OR4C6: variants seen among roughly 807,000 people sequenced by gnomAD.
OR4C6 encodes the protein olfactory receptor 4C6.
A neutral mutation model predicts 13.9 loss-of-function variants in OR4C6; 20 were observed. The ratio of observed to expected loss-of-function variants is 1.43; its 90% CI spans 1.01 to 2.08. The LOEUF (loss-of-function observed/expected upper bound fraction) is 2.08, where lower values mean the gene tolerates loss of function less well. OR4C6 is among the 30% of genes most tolerant of loss of function. The pLI, the probability that OR4C6 is intolerant of heterozygous loss-of-function variation, is 0.00. For missense variants in OR4C6, 555 were observed against 381.2 expected (o/e 1.46, Z -3.80); for synonymous variants, 193 against 141.5 (o/e 1.36, Z -2.58).
Position 55,665,829 on chromosome 11 carries a change from C to A in OR4C6, c.663C>A (p.Cys221Ter), listed in dbSNP as rs773479464. ...TTGCGTCCTACACGGTCATCCTATG[C>A]TCCCTGAAGTCTTACAGCTCTAAAG... ...ILIASYTVIL[C>*]SLKSYSSKGR... is the part of the protein sequence containing the mutation. The change falls in exon 2 of 2, where the codon TGC (cysteine) becomes TGA (stop). Residue 221 changes from cysteine (C) to a stop codon, truncating the protein, a stop_gained. Transcript: ENST00000314259. LOFTEE classifies it high-confidence loss of function. 2 of 1,613,928 alleles carry A rather than the reference C, an allele frequency of 1.2e-6. No homozygotes were observed. The highest frequency in any genetic ancestry group is 1.1e-5 in the South Asian group (1 of 91,070).
chr11:55,666,021 T>G lies in OR4C6; in HGVS notation c.855T>G (p.Tyr285Ter). The change falls in exon 2 of 2, where the codon TAT becomes TAG. Residue 285 changes from tyrosine to a stop codon, truncating the protein, a stop_gained. Transcript: ENST00000314259. LOFTEE classifies it high-confidence loss of function. ...IITPMLNPLI[Y>*]TLRNAEVKSA... The stretch of plus-strand genomic sequence containing the variant: ...CACCCATGTTAAATCCCTTGATCTA[T>G]ACACTGAGGAATGCAGAGGTGAAAA... 6.2e-7 allele frequency: 1 copy of G among 1,613,784 alleles called. No homozygotes were observed. The highest frequency in any genetic ancestry group is 8.5e-7 in the Non-Finnish European group (1 of 1,179,860).
At chr11:55,665,084 C>T in intron 1 of OR4C6, 41 bp from the exon 2 acceptor site, 1 of 876,574 alleles carries the variant, frequency 1.1e-6, no homozygotes, top group South Asian at 1.7e-5. Context: ...TACAAGAAGC[C>T]AAATTAGTCA....
rs1858734744 is a variant in OR4C6, at chr11:55,665,638, C to T, written c.472C>T (p.Leu158Phe). 1 of 1,613,040 alleles carries T rather than the reference C, an allele frequency of 6.2e-7. No individual in the cohort carries two copies. The highest frequency in any genetic ancestry group is 1.7e-5 in the Admixed American group (1 of 59,964). The change falls in exon 2 of 2, where the codon CTT (leucine) becomes TTT (phenylalanine). Residue 158 changes from leucine (L) to phenylalanine (F), a missense_variant. Transcript: ENST00000314259. ...GGGATTTATGCACGCAATGATACAA[C>T]TTCTCTTCATGTATCAAATACCCTT... ...VGGFMHAMIQ[L>F]LFMYQIPFCG...
chr11:55,665,299 G>C lies in OR4C6; in HGVS notation c.133G>C (p.Val45Leu), dbSNP rs1199828446. ...AGTGCTGGAAAATCTACTTATTGTG[G>C]TAACTATTATCACAAGTCAGAGTCT... ...ATVLENLLIV[V>L]TIITSQSLRS... The change falls in exon 2 of 2, where the codon GTA becomes CTA. Residue 45 changes from valine to leucine, a missense_variant. By Grantham distance (32) the Val-to-Leu change is conservative. Coordinates refer to ENST00000314259, the MANE Select transcript of OR4C6 (RefSeq NM_001004704.2). 6 of 1,611,656 alleles carry C rather than the reference G, an allele frequency of 3.7e-6. No individual in the cohort carries two copies. In the South Asian group the frequency reaches 6.6e-5, roughly 18 times the overall value.
Position 55,665,110 on chromosome 11 carries a change from A to G in OR4C6, c.-42-15A>G. On this transcript the variant is annotated splice_polypyrimidine_tract_variant and intron_variant, in intron 1 of 1. Transcript: ENST00000314259. ...AAATTAGTCACTAATTATAAATCAT[A>G]TCTTGCTTATTTAGGATTCTCAACT... 1.9e-6 allele frequency: 2 copies of G among 1,071,414 alleles called. No homozygotes were observed. The highest frequency in any genetic ancestry group is 4.7e-5 in the East Asian group (2 of 42,328). 66.4% of individuals were successfully genotyped at this position (1,071,414 alleles called of 1,614,324 possible). A position where few individuals can be genotyped will look rare whatever the true frequency, so the allele number is the denominator to read the frequency against.
rs1207712300 is a variant in OR4C6 at position 55,665,379 on chromosome 11, C to G, written c.213C>G (p.Phe71Leu). Residue 71 changes from phenylalanine to leucine, a missense_variant, in exon 2 of 2, where the codon TTC (phenylalanine) becomes TTG (leucine). Phe to Leu is a conservative substitution (Grantham distance 22). Coordinates refer to ENST00000314259, the MANE Select transcript of OR4C6 (RefSeq NM_001004704.2). ...LTFLSLLDVMFSSVVAPKVIV... is the reference protein window; with the variant it reads ...LTFLSLLDVMLSSVVAPKVIV... ...TCTTGTCCCTTTTGGATGTCATGTT[C>G]TCATCTGTCGTTGCCCCCAAGGTGA... The G allele has an allele frequency of 5.6e-6, 9 of 1,613,302 alleles. No individual in the cohort carries two copies. The East Asian group carries it at 8.9e-5, about 16-fold the overall frequency.
In OR4C6 at chr11:55,665,504, T is replaced by C. The variant is rs1377022811; in HGVS notation, c.338T>C (p.Leu113Pro). 1.2e-6 allele frequency: 2 copies of C among 1,613,706 alleles called. No homozygotes were observed. Among genetic ancestry groups the C allele is most frequent in the Admixed American group, 1.7e-5 (1 of 59,958 alleles). ...HFFGGVGIIL[L>P]TVMAYDRYVA... is the part of the protein sequence containing the mutation. ...TTTGGTGGTGTGGGGATCATCCTCCTCACTGTGATGGCCTATGACCGCTAC... is the reference window on the plus strand; with the variant it reads ...TTTGGTGGTGTGGGGATCATCCTCCCCACTGTGATGGCCTATGACCGCTAC... The change falls in exon 2 of 2, where the codon CTC (leucine) becomes CCC (proline). Residue 113 changes from leucine (L) to proline (P), a missense_variant. Leu to Pro is a moderately conservative substitution (Grantham distance 98). Transcript: ENST00000314259.
Position 55,665,854 on chromosome 11 carries a change from G to C in OR4C6, c.688G>C (p.Gly230Arg). The C allele has an allele frequency of 6.2e-7, 1 of 1,613,828 alleles. No homozygotes were observed. The highest frequency in any genetic ancestry group is 8.5e-7 in the Non-Finnish European group (1 of 1,179,988). The change falls in exon 2 of 2, where the codon GGG becomes CGG. Residue 230 changes from glycine to arginine, a missense_variant. Gly to Arg is a moderately radical substitution (Grantham distance 125, BLOSUM62 -2). Coordinates refer to ENST00000314259, the MANE Select transcript of OR4C6 (RefSeq NM_001004704.2). ...CTCCCTGAAGTCTTACAGCTCTAAA[G>C]GGCGGCACAAAGCCCTCTCTACCTG... Reference protein sequence around the residue: ...LCSLKSYSSKGRHKALSTCSS... With the variant: ...LCSLKSYSSKRRHKALSTCSS...
In OR4C6 at chr11:55,665,493, G is replaced by T. The variant is rs769767539; in HGVS notation, c.327G>T (p.Gly109=). Residue 109 remains glycine (G), a synonymous_variant, in exon 2 of 2, where the codon GGG becomes GGT. Transcript: ENST00000314259. ...LFVEHFFGGV[G]IILLTVMAYD... ...TGGAGCATTTCTTTGGTGGTGTGGGGATCATCCTCCTCACTGTGATGGCCT... is the reference window on the plus strand; with the variant it reads ...TGGAGCATTTCTTTGGTGGTGTGGGTATCATCCTCCTCACTGTGATGGCCT... The T allele has an allele frequency of 1.2e-6, 2 of 1,613,858 alleles. No individual in the cohort carries two copies. The highest frequency in any genetic ancestry group is 1.1e-5 in the South Asian group (1 of 91,076).
At position 55,665,857 on chromosome 11, in the gene OR4C6, C is replaced by T. The variant is rs140747151; in HGVS notation, c.691C>T (p.Arg231Trp). The part of the protein sequence containing the change: ...CSLKSYSSKG[R>W]HKALSTCSSH... ...CCTGAAGTCTTACAGCTCTAAAGGG[C>T]GGCACAAAGCCCTCTCTACCTGCAG... is the stretch of plus-strand genomic sequence containing the variant. Residue 231 changes from arginine to tryptophan, a missense_variant, in exon 2 of 2, where the codon CGG (arginine) becomes TGG (tryptophan). By Grantham distance (101) the Arg-to-Trp change is moderately radical. Coordinates refer to ENST00000314259, the MANE Select transcript of OR4C6 (RefSeq NM_001004704.2). 3.7e-4 allele frequency: 592 copies of T among 1,613,790 alleles called. 1 individual carries two copies. Among genetic ancestry groups the T allele is most frequent in the Non-Finnish European group, 4.1e-4 (489 of 1,179,938 alleles).
In OR4C6 at chr11:55,662,212, C is replaced by T. The variant is rs761974645; in HGVS notation, c.-79C>T. On this transcript the variant is annotated 5_prime_UTR_variant, in exon 1 of 2. Transcript: ENST00000314259. ...GTGCAAGAACATGCCATGAAGGTGG[C>T]TGATGGTGTGATTCAAGATTGAACT... 2.9e-5 allele frequency: 4 copies of T among 138,508 alleles called. 1 individual carries two copies. The highest frequency in any genetic ancestry group is 6.4e-5 in the Non-Finnish European group (4 of 62,410). 8.6% of individuals were successfully genotyped at this position (138,508 alleles called of 1,614,324 possible).
Position 55,665,915 on chromosome 11 carries a change from T to C in OR4C6, c.749T>C (p.Val250Ala), listed in dbSNP as rs751943245. Reference sequence around the variant, plus strand: ...CTCACGGTGGTTGTATTGTTCTTTGTCCCCTGTATTTTCTTGTACATGAGG... The same window carrying C: ...CTCACGGTGGTTGTATTGTTCTTTGCCCCCTGTATTTTCTTGTACATGAGG... ...SHLTVVVLFF[V>A]PCIFLYMRPV... The change falls in exon 2 of 2, where the codon GTC (valine) becomes GCC (alanine). Residue 250 changes from valine (V) to alanine (A), a missense_variant. Transcript: ENST00000314259. 5.6e-6 allele frequency: 9 copies of C among 1,613,800 alleles called. No individual in the cohort carries two copies. The highest frequency in any genetic ancestry group is 3.3e-5 in the Admixed American group (2 of 59,978).
At position 55,665,805 on chromosome 11, in the gene OR4C6, T is replaced by A. The variant is rs1402417092; in HGVS notation, c.639T>A (p.Ile213=). 2 of 1,613,964 alleles carry A rather than the reference T, an allele frequency of 1.2e-6. No individual in the cohort carries two copies. The highest frequency in any genetic ancestry group is 4.5e-5 in the East Asian group (2 of 44,862). ...MMCVAIFLIL[I]ASYTVILCSL... is the part of the protein sequence containing the mutation. The stretch of plus-strand genomic sequence containing the variant: ...GTGTGGCCATCTTTCTTATCTTAAT[T>A]GCGTCCTACACGGTCATCCTATGCT... Residue 213 remains isoleucine (I), a synonymous_variant, in exon 2 of 2, where the codon ATT becomes ATA. Coordinates refer to ENST00000314259, the MANE Select transcript of OR4C6 (RefSeq NM_001004704.2).
rs1384454584 is a variant in OR4C6, at chr11:55,663,335, C to T, written c.-43+1087C>T. On this transcript the variant is annotated intron_variant, in intron 1 of 1. Transcript: ENST00000314259. Reference sequence around the variant, plus strand: ...GAATGTCAGTTGGAAAAGTTCAATTCTGTTCCGTATCAACACAGGGTCATA... The same window carrying T: ...GAATGTCAGTTGGAAAAGTTCAATTTTGTTCCGTATCAACACAGGGTCATA... Among the ~76,000 whole-genome samples the T allele has an allele frequency of 3.6e-5, 5 of 137,946 alleles. 1 individual carries two copies. The highest frequency in any genetic ancestry group is 1.3e-4 in the African/African-American group (5 of 39,578). The allele number at this position is 137,946 out of a possible 152,430, so 90.5% of individuals were successfully genotyped here.
At chr11:55,663,989 G>C (rs1189379627) in intron 1 of OR4C6, among the ~76,000 whole-genome samples, 1 of 122,582 alleles carries the variant, frequency 8.2e-6, no homozygotes, top group Non-Finnish European at 1.8e-5. Flanking sequence ...CTTGGTTGCA[G>C]TAGTAACTTC....
chr11:55,665,498 T>C lies in OR4C6; in HGVS notation c.332T>C (p.Ile111Thr), dbSNP rs1351643945. ...VEHFFGGVGI[I>T]LLTVMAYDRY... ...CATTTCTTTGGTGGTGTGGGGATCA[T>C]CCTCCTCACTGTGATGGCCTATGAC... Residue 111 changes from isoleucine (I) to threonine (T), a missense_variant, in exon 2 of 2, where the codon ATC (isoleucine) becomes ACC (threonine). By Grantham distance (89) the Ile-to-Thr change is moderately conservative. Coordinates refer to ENST00000314259, the MANE Select transcript of OR4C6 (RefSeq NM_001004704.2). 1 of 1,613,824 alleles carries C rather than the reference T, an allele frequency of 6.2e-7. No homozygotes were observed.
rs757001306 is a variant in OR4C6, at chr11:55,665,657, T to C, written c.491T>C (p.Ile164Thr). The C allele has an allele frequency of 1.4e-5, 22 of 1,613,728 alleles. No homozygotes were observed. The highest frequency in any genetic ancestry group is 1.4e-5 in the Non-Finnish European group (17 of 1,179,878). Residue 164 changes from isoleucine (I) to threonine (T), a missense_variant, in exon 2 of 2, where the codon ATA becomes ACA. Physicochemically the swap from Ile to Thr is moderately conservative, Grantham distance 89. Coordinates refer to ENST00000314259, the MANE Select transcript of OR4C6 (RefSeq NM_001004704.2). ...ATACAACTTCTCTTCATGTATCAAA[T>C]ACCCTTCTGTGGTCCTAATATCATA... ...AMIQLLFMYQ[I>T]PFCGPNIIDH...
At position 55,665,780 on chromosome 11, in the gene OR4C6, G is replaced by A. The variant is rs370491095; in HGVS notation, c.614G>A (p.Cys205Tyr). The A allele has an allele frequency of 1.2e-6, 2 of 1,613,840 alleles. No individual in the cohort carries two copies. Among genetic ancestry groups the A allele is most frequent in the African/African-American group, 1.3e-5 (1 of 74,762 alleles). ...LLVTLNSGMM[C>Y]VAIFLILIAS... ...GTTACCCTCAACAGTGGGATGATGT[G>A]TGTGGCCATCTTTCTTATCTTAATT... The change falls in exon 2 of 2, where the codon TGT (cysteine) becomes TAT (tyrosine). Residue 205 changes from cysteine (C) to tyrosine (Y), a missense_variant. By Grantham distance (194) the Cys-to-Tyr change is radical (BLOSUM62 -2). Transcript: ENST00000314259.
chr11:55,665,909 T>C lies in OR4C6; in HGVS notation c.743T>C (p.Phe248Ser), dbSNP rs780526427. 1.2e-6 allele frequency: 2 copies of C among 1,613,792 alleles called. No homozygotes were observed. The highest frequency in any genetic ancestry group is 1.3e-5 in the African/African-American group (1 of 74,754). The change falls in exon 2 of 2, where the codon TTC (phenylalanine) becomes TCC (serine). Residue 248 changes from phenylalanine (F) to serine (S), a missense_variant. Phe to Ser is a radical substitution (Grantham distance 155). Transcript: ENST00000314259. ...CSSHLTVVVL[F>S]FVPCIFLYMR... Reference sequence around the variant, plus strand: ...TCCCACCTCACGGTGGTTGTATTGTTCTTTGTCCCCTGTATTTTCTTGTAC... The same window carrying C: ...TCCCACCTCACGGTGGTTGTATTGTCCTTTGTCCCCTGTATTTTCTTGTAC...
Sources: allele counts gnomAD v4.1 joint callset (sites outside exome capture counted in the v4.1 genomes callset), GRCh38; gene constraint gnomAD v4.1.1; transcripts MANE v1.5; gene names NCBI Gene and HGNC (gene_info 2026-07-23, HGNC 2026-07-21).